Variants in MICAL3 observed in about 807,000 individuals in gnomAD.
The protein encoded by MICAL3 is [F-actin]-monooxygenase MICAL3.
In MICAL3, 62 loss-of-function variants were observed where a neutral mutation model predicts 207.4. The ratio of observed to expected loss-of-function variants is 0.30; its 90% CI spans 0.24 to 0.37. MICAL3 has a LOEUF of 0.37. MICAL3 is among the 10% of genes least tolerant of loss of function. The probability of loss-of-function intolerance (pLI) is 1.00; values close to 1 mark genes in which losing one functional copy is unlikely to be tolerated. For missense variants in MICAL3, 2,368 were observed against 2,635.6 expected (o/e 0.90, Z 2.22); for synonymous variants, 1,077 against 1,069.3 (o/e 1.01, Z -0.14).
rs922971197 is a variant in MICAL3 at position 17,832,106 on chromosome 22, T to C, written c.2803A>G (p.Ser935Gly). ...TGAEEDVASS[S>G]SESEMEEEGE... ...TCCTCCTCCATCTCAGACTCGGAACTACTGTGAGGAAATAACCACATAGCC... is the reference window on the plus strand; with the variant it reads ...TCCTCCTCCATCTCAGACTCGGAACCACTGTGAGGAAATAACCACATAGCC... The change falls in exon 21 of 32, where the codon AGT (serine) becomes GGT (glycine). Residue 935 changes from serine to glycine, a missense_variant and splice_region_variant. This residue lies in a region of MICAL3 where 1,770 missense variants were observed against 1,863.2 expected (regional missense o/e 0.95). Transcript: ENST00000441493. 2 of 1,566,458 alleles carry C rather than the reference T, an allele frequency of 1.3e-6. No individual in the cohort carries two copies. Among genetic ancestry groups the C allele is most frequent in the Non-Finnish European group, 1.7e-6 (2 of 1,155,566 alleles).
At chr22:17,877,122 GTTA>G (rs1928667181) in intron 16 of MICAL3, among the ~76,000 whole-genome samples, 2 of 112,544 alleles carry the variant, frequency 1.8e-5, no homozygotes, top group African/African-American at 7.1e-5. Flanking sequence ...GGTTAGGGAG[GTTA>G]TGGAGGTTAG....
chr22:17,918,566 C>T (rs931048699), intron 1 of MICAL3, among the ~76,000 whole-genome samples: 2 of 152,052 alleles, frequency 1.3e-5, no homozygotes, highest in African/African-American at 4.8e-5. Context: ...CCTGGGCAAA[C>T]GAGGGTGGGA....
chr22:17,905,780 C>T (rs1931668004), intron 2 of MICAL3, among the ~76,000 whole-genome samples: 1 of 152,198 alleles, frequency 6.6e-6, no homozygotes, highest in South Asian at 2.1e-4. Context: ...TATCCGCTTC[C>T]TCGCACCTAC....
At chr22:18,016,939 CAA>C (rs369867729) in intron 1 of MICAL3, among the ~76,000 whole-genome samples, 27 of 133,644 alleles carry the variant, frequency 2.0e-4, no homozygotes, top group Admixed American at 7.3e-4. Context: ...GACTCTGTCT[CAA>C]AAAAAAAAAA....
At chr22:17,877,162 TGGAGGTTAGGGAGGTTAG>T (rs1159642529) in intron 16 of MICAL3, among the ~76,000 whole-genome samples, 2 of 12,986 alleles carry the variant, frequency 1.5e-4, no homozygotes, top group African/African-American at 4.8e-4. Flanking sequence ...AGGGAGGTTA[TGGAGGTTAGGGAGGTTAG>T]GGAAGTTATG....
At chr22:17,822,857 C>T (rs529657355) in intron 23 of MICAL3, 90 bp downstream of exon 23, 42 of 753,036 alleles carry the variant, frequency 5.6e-5, no homozygotes, top group East Asian at 2.5e-4. Context: ...GGCCCAACGG[C>T]GGCCTCACTG....
chr22:17,929,088 C>T (rs9618166), intron 1 of MICAL3, among the ~76,000 whole-genome samples: 8,796 of 149,520 alleles, frequency 0.059, 396 homozygotes, highest in African/African-American at 0.13. Context: ...CCACGGTGCC[C>T]GGCCCTTTTT....
At chr22:17,936,424 G>C (rs748950303) in intron 1 of MICAL3, among the ~76,000 whole-genome samples, 8 of 152,080 alleles carry the variant, frequency 5.3e-5, no homozygotes, top group Admixed American at 6.6e-5. Flanking sequence ...AGGGCCTGTC[G>C]TGGGGTAGGG....
intron 1 of MICAL3, 42 bp from the exon 2 acceptor site, chr22:17,906,928 TACAA>T (rs1468371695): frequency 3.2e-5 from 33 of 1,035,068 alleles, no homozygotes; most frequent in African/African-American, 1.1e-4. Flanking sequence ...TTTCTCTGTC[TACAA>T]ACATTCTCCA....
chr22:17,827,085 TC>T lies in MICAL3; in HGVS notation c.3193+558del, dbSNP rs575188761. Among the ~76,000 whole-genome samples, 102 of 152,232 alleles carry T rather than the reference TC, an allele frequency of 6.7e-4. No individual in the cohort carries two copies. In the South Asian group the frequency reaches 0.015, roughly 23 times the overall value. The stretch of plus-strand genomic sequence containing the variant: ...GTCCCTCAGCAGTCTCCACGGTCCT[TC>T]TCTTATTGCTATTCCTTTATTTAAA... On this transcript the variant is annotated intron_variant, in intron 22 of 31. Coordinates refer to ENST00000441493, the MANE Select transcript of MICAL3 (RefSeq NM_015241.3).
At position 17,820,737 on chromosome 22, in the gene MICAL3, C is replaced by T. The variant is rs536954251; in HGVS notation, c.3531+690G>A. 3.3e-5 allele frequency among the ~76,000 whole-genome samples: 5 copies of T among 151,192 alleles called. No homozygotes were observed. In the East Asian group the frequency reaches 7.7e-4, roughly 23 times the overall value. On this transcript the variant is annotated intron_variant, in intron 25 of 31. Transcript: ENST00000441493. ...TGTCATATCAAACCAACCATCCCAT[C>T]GATATTATTGCTTTAATTTAAACAA...
At chr22:17,977,526 A>T (rs1338630281) in intron 1 of MICAL3, among the ~76,000 whole-genome samples, 1 of 140,664 alleles carries the variant, frequency 7.1e-6, no homozygotes, top group African/African-American at 2.9e-5. Context: ...ACCCACTAGG[A>T]AGACTATAAT....
chr22:17,990,554 G>A (rs547473481), intron 1 of MICAL3, among the ~76,000 whole-genome samples: 1 of 152,136 alleles, frequency 6.6e-6, no homozygotes, highest in Non-Finnish European at 1.5e-5. Flanking sequence ...ACTGAGTCTC[G>A]GGAGGATAAG....
chr22:17,898,002 CACAA>C (rs1930995577), intron 7 of MICAL3, among the ~76,000 whole-genome samples: 1 of 152,206 alleles, frequency 6.6e-6, no homozygotes, highest in East Asian at 1.9e-4. Flanking sequence ...AAAGCCAAAA[CACAA>C]ACACTCAGGT....
chr22:17,889,057 A>G lies in MICAL3; in HGVS notation c.1868T>C (p.Phe623Ser). 1 of 1,608,752 alleles carries G rather than the reference A, an allele frequency of 6.2e-7. No individual in the cohort carries two copies. The highest frequency in any genetic ancestry group is 8.5e-7 in the Non-Finnish European group (1 of 1,175,638). Residue 623 changes from phenylalanine to serine, a missense_variant, in exon 13 of 32, where the codon TTT becomes TCT. Phe to Ser is a radical substitution (Grantham distance 155, BLOSUM62 -2). Transcript: ENST00000441493. ...VMYLTQFYEM[F>S]KDSLPSSDTL... ...ACCGCTAGAGGGGAGGGAGTCCTTA[A>G]ACATCTCGTAGAACTGAGTCAGGTA...
intron 19 of MICAL3, among the ~76,000 whole-genome samples, chr22:17,850,157 G>A (rs1400055707): frequency 6.6e-6 from 1 of 152,102 alleles, no homozygotes; most frequent in African/African-American, 2.4e-5. Context: ...GAAATTCTGA[G>A]TTAAATACAA....
rs181996246 is a variant in MICAL3, at chr22:17,789,058, T to C, written c.*1674A>G. 3 of 152,544 alleles carry C rather than the reference T, an allele frequency of 2.0e-5. No individual in the cohort carries two copies. The highest frequency in any genetic ancestry group is 4.8e-5 in the African/African-American group (2 of 41,612). The allele number at this position is 152,544 out of a possible 1,614,324, so 9.4% of individuals were successfully genotyped here. A position where few individuals can be genotyped will look rare whatever the true frequency, so the allele number is the denominator to read the frequency against. On this transcript the variant is annotated 3_prime_UTR_variant, in exon 32 of 32. Coordinates refer to ENST00000441493, the MANE Select transcript of MICAL3 (RefSeq NM_015241.3). ...CGATTAGCTCAGTGGCTTGATGAGC[T>C]GTACACAGCCAGGCTGGTGCGGAAC...
intron 1 of MICAL3, among the ~76,000 whole-genome samples, chr22:17,998,743 C>T (rs890330805): frequency 9.2e-5 from 14 of 151,846 alleles, no homozygotes; most frequent in African/African-American, 3.1e-4. Context: ...TTAGTACAAA[C>T]AGGGTTTCAC....
intron 1 of MICAL3, among the ~76,000 whole-genome samples, chr22:17,972,632 G>A (rs1192337409): frequency 6.6e-6 from 1 of 152,130 alleles, no homozygotes; most frequent in Non-Finnish European, 1.5e-5. Flanking sequence ...CTGGTCTCCT[G>A]GCAGGCACAC....
Sources: allele counts gnomAD v4.1 joint callset (sites outside exome capture counted in the v4.1 genomes callset), GRCh38; gene constraint gnomAD v4.1.1; regional missense constraint gnomAD v4.1.1; transcripts MANE v1.5; gene names NCBI Gene and HGNC (gene_info 2026-07-23, HGNC 2026-07-21).